Variants in MGST1 observed in about 807,000 individuals in gnomAD.
The protein encoded by MGST1 is microsomal glutathione S-transferase 1, also known as glutathione S-transferase 12.
Under a neutral mutation model 8.9 loss-of-function variants are expected in MGST1, and 5 were observed. That is an observed-to-expected ratio of 0.56 (90% CI 0.29 to 1.19). The LOEUF (loss-of-function observed/expected upper bound fraction) is 1.19, where lower values mean the gene tolerates loss of function less well. Among genes scored for constraint, MGST1 ranks in the 50% most tolerant of loss-of-function variants. The pLI is 0.08. For synonymous variants in MGST1, 54 were observed against 67.8 expected (o/e 0.80, Z 1.00); for missense variants, 182 against 187.4 (o/e 0.97, Z 0.17).
At chr12:16,518,873 G>A (rs189206173) in intron 4 of MGST1, among the ~76,000 whole-genome samples, 17 of 152,290 alleles carry the variant, frequency 1.1e-4, no homozygotes, top group Non-Finnish European at 1.0e-4. Flanking sequence ...CTACTTGGAG[G>A]CCTGAGGACA....
At chr12:16,426,303 C>T (rs1040919798) in intron 1 of MGST1, among the ~76,000 whole-genome samples, 2 of 152,132 alleles carry the variant, frequency 1.3e-5, no homozygotes, top group African/African-American at 2.4e-5. Flanking sequence ...AACAACTGTT[C>T]ATTTTGATTG....
intron 4 of MGST1, among the ~76,000 whole-genome samples, chr12:16,481,348 A>G (rs1396980556): frequency 1.3e-5 from 2 of 152,202 alleles, no homozygotes; most frequent in Non-Finnish European, 2.9e-5. Context: ...TCAGATTTAG[A>G]GGAGCAATGC....
chr12:16,358,779 CTTTTTTTTTTTTT>C lies in MGST1; in HGVS notation c.221+1097_221+1109del, dbSNP rs35081887. On this transcript the variant is annotated intron_variant, in intron 3 of 3. Coordinates refer to ENST00000396210, the MANE Select transcript of MGST1 (RefSeq NM_020300.5). ...CACCGGACCTGGCCAAAATTCATTC[CTTTTTTTTTTTTT>C]TTTTTTTTTTTTTTTTACAGCTGTG... Among the ~76,000 whole-genome samples, 11 of 57,582 alleles carry C rather than the reference CTTTTTTTTTTTTT, an allele frequency of 1.9e-4. No homozygotes were observed. In the East Asian group the frequency reaches 3.3e-3, roughly 17 times the overall value. 37.8% of individuals were successfully genotyped at this position (57,582 alleles called of 152,430 possible).
chr12:16,402,307 C>T (rs1365463867), intron 1 of MGST1: 2 of 1,593,942 alleles, frequency 1.3e-6, no homozygotes, highest in Non-Finnish European at 1.7e-6. Flanking sequence ...TCATCAACAC[C>T]CACTGATGCA....
chr12:16,517,632 G>A lies in MGST1; in HGVS notation n.483-71896G>A, dbSNP rs1057196743. On this transcript the variant is annotated intron_variant and non_coding_transcript_variant, in intron 4 of 4. Transcript: ENST00000538857. This position sits in a 1 kb window ranked among gnomAD's most constrained non-coding sequence, Gnocchi z 4.2. The stretch of plus-strand genomic sequence containing the variant: ...TAGCACAAAATGAACCAAGACAGCA[G>A]GTAAGCAAATCATGGAACAATGGCC... Among the ~76,000 whole-genome samples the A allele has an allele frequency of 6.6e-6, 1 of 152,180 alleles. No homozygotes were observed. The highest frequency in any genetic ancestry group is 1.5e-5 in the Non-Finnish European group (1 of 68,034).
At chr12:16,471,968 G>A (rs1267213723) in intron 4 of MGST1, among the ~76,000 whole-genome samples, 2 of 151,566 alleles carry the variant, frequency 1.3e-5, no homozygotes, top group Non-Finnish European at 2.9e-5. Context: ...CACATTGTCC[G>A]CTCCACATAC....
At chr12:16,511,245 G>A (rs1284279117) in intron 4 of MGST1, among the ~76,000 whole-genome samples, 1 of 152,220 alleles carries the variant, frequency 6.6e-6, no homozygotes, top group Non-Finnish European at 1.5e-5. Context: ...ACTGCCAGCA[G>A]CAAAGTTATA....
At position 16,401,550 on chromosome 12, in the gene MGST1, C is replaced by T. The variant is rs1272079240; in HGVS notation, n.778+17946C>T. ...CTTGAACTTCCTGAGGAGGATCAGCCATCAAAGTGCGAACAGGTTGGAGCA... is the reference window on the plus strand; with the variant it reads ...CTTGAACTTCCTGAGGAGGATCAGCTATCAAAGTGCGAACAGGTTGGAGCA... On this transcript the variant is annotated intron_variant and non_coding_transcript_variant, in intron 1 of 1. Transcript: ENST00000359720. This position sits in a 1 kb window ranked among gnomAD's most constrained non-coding sequence, Gnocchi z 4.3. 32 of 1,085,978 alleles carry T rather than the reference C, an allele frequency of 2.9e-5. No homozygotes were observed. Among genetic ancestry groups the T allele is most frequent in the East Asian group, 2.4e-5 (1 of 42,504 alleles). The allele number at this position is 1,085,978 out of a possible 1,614,324, so 67.3% of individuals were successfully genotyped here.
chr12:16,427,658 C>T (rs746205950), intron 1 of MGST1, among the ~76,000 whole-genome samples: 6 of 152,072 alleles, frequency 3.9e-5, no homozygotes, highest in Non-Finnish European at 8.8e-5. Context: ...CTGGGATTAC[C>T]GGCATGAGCC....
At chr12:16,568,984 A>T (rs1942716980) in intron 4 of MGST1, among the ~76,000 whole-genome samples, 1 of 152,246 alleles carries the variant, frequency 6.6e-6, no homozygotes, top group Admixed American at 6.5e-5. Flanking sequence ...GTATGCTAAT[A>T]GTGTGAATCA....
rs1248816483 is a variant in MGST1, at chr12:16,517,709, A to G, written n.483-71819A>G. On this transcript the variant is annotated intron_variant and non_coding_transcript_variant, in intron 4 of 4. Transcript: ENST00000538857. The surrounding 1 kb of genome is among the most constrained non-coding windows in gnomAD (Gnocchi z 4.2). Reference sequence around the variant, plus strand: ...GCTTGTGCTCATCTAAGCACTGTCCACAGAGAAGAGAGTTTTAGCCAATGG... The same window carrying G: ...GCTTGTGCTCATCTAAGCACTGTCCGCAGAGAAGAGAGTTTTAGCCAATGG... 6.6e-6 allele frequency among the ~76,000 whole-genome samples: 1 copy of G among 152,224 alleles called. No homozygotes were observed. Among genetic ancestry groups the G allele is most frequent in the Non-Finnish European group, 1.5e-5 (1 of 68,030 alleles).
intron 4 of MGST1, among the ~76,000 whole-genome samples, chr12:16,552,748 G>A (rs956848359): frequency 6.6e-6 from 1 of 151,968 alleles, no homozygotes; most frequent in Non-Finnish European, 1.5e-5. Flanking sequence ...GGTTGTTTGT[G>A]GTCAAAGCTA....
downstream of MGST1, among the ~76,000 whole-genome samples, chr12:16,369,191 T>C (rs1459030891): frequency 6.6e-6 from 1 of 152,214 alleles, no homozygotes; most frequent in African/African-American, 2.4e-5. This position sits in a 1 kb window ranked among gnomAD's most constrained non-coding sequence, Gnocchi z 4.8. Context: ...CGAGGCTTTC[T>C]GGCTGCCTGA....
chr12:16,425,895 G>A (rs1225952098), intron 1 of MGST1, among the ~76,000 whole-genome samples: 2 of 152,168 alleles, frequency 1.3e-5, no homozygotes, highest in African/African-American at 4.8e-5. Context: ...TCAACCCAGG[G>A]AGTTAATTCA....
downstream of MGST1, among the ~76,000 whole-genome samples, chr12:16,591,881 T>A (rs907309175): frequency 2.6e-5 from 4 of 152,188 alleles, no homozygotes; most frequent in East Asian, 7.7e-4. The surrounding 1 kb of genome is among the most constrained non-coding windows in gnomAD (Gnocchi z 4.1). Context: ...TGCTTCAGAA[T>A]ATTTTCTAAT....
chr12:16,479,192 T>TTG (rs1339804994), intron 4 of MGST1, among the ~76,000 whole-genome samples: 15 of 149,716 alleles, frequency 1.0e-4, no homozygotes, highest in African/African-American at 2.9e-4. Flanking sequence ...TAATATTCCA[T>TTG]TGTGTGTATA....
chr12:16,353,103 G>C (rs1939545207), intron 1 of MGST1, among the ~76,000 whole-genome samples: 1 of 151,716 alleles, frequency 6.6e-6, no homozygotes, highest in Admixed American at 6.6e-5. Context: ...GTGCCATCTT[G>C]GCTCACTGCA....
intron 1 of MGST1, among the ~76,000 whole-genome samples, chr12:16,427,961 A>C (rs1328702897): frequency 1.3e-5 from 2 of 151,814 alleles, no homozygotes; most frequent in Admixed American, 1.3e-4. Context: ...CTCTTGAGGC[A>C]TTATACATTG....
chr12:16,479,133 C>T (rs1004584833), intron 4 of MGST1, among the ~76,000 whole-genome samples: 2 of 150,492 alleles, frequency 1.3e-5, no homozygotes, highest in African/African-American at 4.9e-5. Flanking sequence ...TATGTATCTA[C>T]TATACATATT....
Sources: gnomAD v4.1 joint callset for allele counts (sites outside exome capture counted in the v4.1 genomes callset) on GRCh38, gnomAD v4.1.1 for gene constraint, Gnocchi (gnomAD v3.1) non-coding constraint, MANE v1.5 for transcripts, NCBI Gene and HGNC (gene_info 2026-07-23, HGNC 2026-07-21) for gene names.